The following MINDY4 variants were observed in gnomAD, a reference collection of about 807,000 sequenced individuals.
The protein encoded by MINDY4 is probable ubiquitin carboxyl-terminal hydrolase MINDY-4.
MINDY4 carries 68 observed loss-of-function variants against 87.0 expected under a neutral mutation model. The ratio of observed to expected loss-of-function variants is 0.78; its 90% CI spans 0.64 to 0.96. The LOEUF is 0.96. Among genes scored for constraint, MINDY4 ranks in the 40% least tolerant of loss-of-function variants. The pLI is 0.00. For missense variants in MINDY4, 919 were observed against 928.2 expected, an observed-to-expected ratio of 0.99 and a Z score of 0.13; for synonymous variants, 379 against 363.2, an observed-to-expected ratio of 1.04 and a Z score of -0.50.
At chr7:30,845,286 T>C (rs982596701) in intron 9 of MINDY4, among the ~76,000 whole-genome samples, 1 of 151,998 alleles carries the variant, frequency 6.6e-6, no homozygotes, top group African/African-American at 2.4e-5. Flanking sequence ...GAGAGCAACA[T>C]AGCAAACACC....
intron 17 of MINDY4, among the ~76,000 whole-genome samples, chr7:30,887,677 G>T (rs1342133445): frequency 6.6e-6 from 1 of 152,222 alleles, no homozygotes; most frequent in East Asian, 1.9e-4. Flanking sequence ...TGGGGGTCGT[G>T]TTCATGCAGC....
At chr7:30,838,565 G>A (rs1373393910) in intron 7 of MINDY4, among the ~76,000 whole-genome samples, 2 of 152,146 alleles carry the variant, frequency 1.3e-5, no homozygotes, top group Non-Finnish European at 2.9e-5. Flanking sequence ...AGCCATGGGT[G>A]GTATGGAAAC....
chr7:30,840,609 T>C, intron 8 of MINDY4, 151 bp from the exon 9 acceptor site: 1 of 616,976 alleles, frequency 1.6e-6, no homozygotes. Flanking sequence ...GTTAGTGTGT[T>C]GTAGAAGCAG....
intron 9 of MINDY4, among the ~76,000 whole-genome samples, chr7:30,847,869 A>G (rs1433586523): frequency 1.3e-5 from 2 of 152,150 alleles, no homozygotes; most frequent in Non-Finnish European, 2.9e-5. Flanking sequence ...CCTCCTGAGT[A>G]TCTGGGACTG....
intron 7 of MINDY4, among the ~76,000 whole-genome samples, chr7:30,837,584 T>A (rs1788898205): frequency 6.6e-6 from 1 of 152,172 alleles, no homozygotes; most frequent in Non-Finnish European, 1.5e-5. Flanking sequence ...CTTTTGAAGC[T>A]ACAGAGGGTC....
intron 12 of MINDY4, chr7:30,857,988 A>T (rs1789627963): frequency 6.6e-6 from 1 of 152,444 alleles, no homozygotes; most frequent in Non-Finnish European, 1.5e-5. Flanking sequence ...AAATGTAAAC[A>T]TGGTAAGTTT....
intron 5 of MINDY4, among the ~76,000 whole-genome samples, chr7:30,801,886 A>G (rs1038366179): frequency 1.8e-4 from 27 of 152,134 alleles, no homozygotes; most frequent in African/African-American, 5.6e-4. Flanking sequence ...GTGATCTTGT[A>G]TTGTCCATCT....
intron 5 of MINDY4, among the ~76,000 whole-genome samples, chr7:30,825,371 C>T (rs1449899771): frequency 6.6e-6 from 1 of 152,142 alleles, no homozygotes. Flanking sequence ...GATGGATGGC[C>T]CTCTGGGTGG....
At chr7:30,866,009 C>CT (rs1224815277) in intron 13 of MINDY4, among the ~76,000 whole-genome samples, 1 of 152,228 alleles carries the variant, frequency 6.6e-6, no homozygotes, top group Non-Finnish European at 1.5e-5. Flanking sequence ...ATGGGCTGGG[C>CT]TAAAGCAAGC....
chr7:30,804,807 T>G (rs1336879812), intron 5 of MINDY4, among the ~76,000 whole-genome samples: 1 of 152,238 alleles, frequency 6.6e-6, no homozygotes, highest in African/African-American at 2.4e-5. Flanking sequence ...ATCATTATCC[T>G]TGGCCCTGAC....
intron 15 of MINDY4, among the ~76,000 whole-genome samples, chr7:30,881,627 G>A (rs1290926439): frequency 6.6e-6 from 1 of 152,208 alleles, no homozygotes; most frequent in Non-Finnish European, 1.5e-5. Flanking sequence ...CGAGCATGAG[G>A]CAGAGGTGCT....
intron 4 of MINDY4, among the ~76,000 whole-genome samples, chr7:30,790,184 T>A (rs1365013592): frequency 6.6e-6 from 1 of 152,190 alleles, no homozygotes; most frequent in Non-Finnish European, 1.5e-5. Flanking sequence ...AGGTGCCTCA[T>A]CCCTCATCCA....
intron 5 of MINDY4, among the ~76,000 whole-genome samples, chr7:30,794,752 G>A (rs1333948463): frequency 6.6e-6 from 1 of 152,146 alleles, no homozygotes. Context: ...GTCACTTGTC[G>A]CTGGCTTGTC....
At chr7:30,836,797 T>C (rs1385228257) in intron 7 of MINDY4, 33 bp downstream of exon 7, 1 of 1,545,128 alleles carries the variant, frequency 6.5e-7, no homozygotes, top group Non-Finnish European at 8.9e-7. Flanking sequence ...GTTAAATGTG[T>C]CTTGATTTGA....
rs1584313404 is a variant in MINDY4, at chr7:30,850,326, G to A, written c.1446-128G>A. 2.9e-5 allele frequency: 24 copies of A among 816,020 alleles called. No homozygotes were observed. The East Asian group carries it at 6.5e-4, about 22-fold the overall frequency. 50.5% of individuals were successfully genotyped at this position (816,020 alleles called of 1,614,324 possible). ...CCTTGGGGCTCCTGGGCTGCAGGTG[G>A]CCCCTCTGCAGGCCAGAGAAAGAAC... On this transcript the variant is annotated intron_variant, in intron 9 of 17. Coordinates refer to ENST00000265299, the MANE Select transcript of MINDY4 (RefSeq NM_032222.3).
chr7:30,836,862 T>A (rs1788873158), intron 7 of MINDY4, 98 bp downstream of exon 7: 2 of 884,468 alleles, frequency 2.3e-6, no homozygotes, highest in Non-Finnish European at 3.5e-6. Context: ...CTCATTGTAA[T>A]CTCTTGGTCA....
intron 1 of MINDY4, among the ~76,000 whole-genome samples, chr7:30,773,333 T>A (rs1786702096): frequency 6.6e-6 from 1 of 152,138 alleles, no homozygotes; most frequent in African/African-American, 2.4e-5. Flanking sequence ...CACATAAGAT[T>A]ATTGTGAGAC....
intron 15 of MINDY4, among the ~76,000 whole-genome samples, chr7:30,878,457 A>T (rs1202707821): frequency 2.0e-5 from 3 of 152,120 alleles, no homozygotes. Flanking sequence ...CCGGACCTCC[A>T]TGGGCTATCT....
chr7:30,820,529 C>G (rs528886020), intron 5 of MINDY4, among the ~76,000 whole-genome samples: 1 of 152,138 alleles, frequency 6.6e-6, no homozygotes, highest in Non-Finnish European at 1.5e-5. Context: ...CCATTCCTCC[C>G]CCAACCCCCA....
Sources: allele counts gnomAD v4.1 joint callset (sites outside exome capture counted in the v4.1 genomes callset), GRCh38; gene constraint gnomAD v4.1.1; transcripts MANE v1.5; gene names NCBI Gene and HGNC (gene_info 2026-07-23, HGNC 2026-07-21).